Variants in LAMA2 observed in about 807,000 individuals in gnomAD.
The protein encoded by LAMA2 is laminin subunit alpha-2.
In LAMA2, 269 loss-of-function variants were observed where a neutral mutation model predicts 364.8. The ratio of observed to expected loss-of-function variants is 0.74; its 90% CI spans 0.67 to 0.82. The LOEUF (loss-of-function observed/expected upper bound fraction) is 0.82, where lower values mean the gene tolerates loss of function less well. Ranked by LOEUF, LAMA2 falls within the 40% of genes least tolerant of loss-of-function variation. The probability of loss-of-function intolerance (pLI) is 0.00; values close to 1 mark genes in which losing one functional copy is unlikely to be tolerated. For synonymous variants in LAMA2, 1,379 were observed against 1,370.6 expected (o/e 1.01, Z -0.14); for missense variants, 3,807 against 3,873.2 (o/e 0.98, Z 0.45).
chr6:129,409,229 T>C (rs1178352740), intron 40 of LAMA2, among the ~76,000 whole-genome samples: 2 of 152,218 alleles, frequency 1.3e-5, no homozygotes, highest in East Asian at 3.9e-4. Flanking sequence ...TGTCCACTTT[T>C]GGGTGCTACC....
chr6:129,264,578 A>G (rs962844782), intron 15 of LAMA2, among the ~76,000 whole-genome samples: 11 of 152,172 alleles, frequency 7.2e-5, no homozygotes, highest in Non-Finnish European at 2.9e-5. Context: ...AGAAAGTGCA[A>G]TTGATTTAAA....
intron 12 of LAMA2, among the ~76,000 whole-genome samples, chr6:129,228,867 T>G (rs1279467706): frequency 6.6e-6 from 1 of 152,226 alleles, no homozygotes; most frequent in Non-Finnish European, 1.5e-5. Flanking sequence ...GTTTTAGACA[T>G]CCAGGATAGA....
At position 129,125,701 on chromosome 6, in the gene LAMA2, C is replaced by G. The variant is rs112977035; in HGVS notation, c.640-18200C>G. ...AATAAACAGCGTCAGGGCAAGGAGT[C>G]CAGGTCCATAAAGAAAAACTTGCAC... On this transcript the variant is annotated intron_variant, in intron 4 of 64. Transcript: ENST00000421865. Among the ~76,000 whole-genome samples, 299 of 152,120 alleles carry G rather than the reference C, an allele frequency of 2.0e-3. 2 individuals are homozygous for G. Among genetic ancestry groups the G allele is most frequent in the African/African-American group, 6.8e-3 (283 of 41,492 alleles).
chr6:129,498,663 A>G (rs1437984163), intron 58 of LAMA2, among the ~76,000 whole-genome samples: 1 of 152,224 alleles, frequency 6.6e-6, no homozygotes, highest in African/African-American at 2.4e-5. Context: ...GCCCACATTT[A>G]TTAGAGAAAT....
chr6:128,995,556 T>A (rs559435588), intron 1 of LAMA2, among the ~76,000 whole-genome samples: 87 of 152,280 alleles, frequency 5.7e-4, no homozygotes, highest in African/African-American at 2.0e-3. Context: ...ACTCCTGACC[T>A]CAGGTGATCC....
At chr6:129,460,179 T>C in intron 48 of LAMA2, 21 bp from the exon 49 acceptor site, 1 of 1,610,610 alleles carries the variant, frequency 6.2e-7, no homozygotes, top group Non-Finnish European at 8.5e-7. Context: ...TTCTAGCAAA[T>C]AACGGTATTT....
At chr6:128,887,651 C>G (rs1350808351) in intron 1 of LAMA2, among the ~76,000 whole-genome samples, 1 of 151,902 alleles carries the variant, frequency 6.6e-6, no homozygotes, top group Non-Finnish European at 1.5e-5. Context: ...GGTGGATCAC[C>G]TTAGGTCAGG....
At chr6:129,429,252 T>C (rs1478057335) in intron 41 of LAMA2, among the ~76,000 whole-genome samples, 1 of 152,224 alleles carries the variant, frequency 6.6e-6, no homozygotes, top group Non-Finnish European at 1.5e-5. Flanking sequence ...CCATCTTCTT[T>C]TACAATTTTT....
chr6:129,351,764 G>A (rs911053319), intron 31 of LAMA2, among the ~76,000 whole-genome samples: 12 of 152,052 alleles, frequency 7.9e-5, no homozygotes, highest in African/African-American at 2.9e-4. Flanking sequence ...AATCTGCTTA[G>A]AATACAATTA....
At chr6:128,900,337 C>T (rs1255960228) in intron 1 of LAMA2, among the ~76,000 whole-genome samples, 4 of 152,082 alleles carry the variant, frequency 2.6e-5, no homozygotes, top group Non-Finnish European at 5.9e-5. Context: ...CAAGAAAAGA[C>T]CTTTGAGATC....
chr6:129,451,297 G>T (rs1782662568), intron 45 of LAMA2, among the ~76,000 whole-genome samples: 1 of 152,192 alleles, frequency 6.6e-6, no homozygotes, highest in Admixed American at 6.5e-5. Flanking sequence ...CTTCCCAACT[G>T]AAAACCACCC....
chr6:129,182,749 G>A (rs1376682115), intron 10 of LAMA2, among the ~76,000 whole-genome samples: 1 of 151,556 alleles, frequency 6.6e-6, no homozygotes, highest in Non-Finnish European at 1.5e-5. Context: ...TAGAGAAACA[G>A]GAAAGGGAAT....
chr6:129,285,669 T>C (rs897675679), intron 18 of LAMA2, among the ~76,000 whole-genome samples: 6 of 152,126 alleles, frequency 3.9e-5, no homozygotes, highest in African/African-American at 1.4e-4. Flanking sequence ...GATGTGAATA[T>C]ATGTGGATGT....
At chr6:129,209,929 G>A (rs1400563860) in intron 12 of LAMA2, among the ~76,000 whole-genome samples, 2 of 149,844 alleles carry the variant, frequency 1.3e-5, no homozygotes, top group Middle Eastern at 3.5e-3. Context: ...ACGTGAAGCC[G>A]GGAGGTGGAG....
intron 54 of LAMA2, among the ~76,000 whole-genome samples, chr6:129,479,211 A>C (rs1225494418): frequency 6.6e-6 from 1 of 152,148 alleles, no homozygotes; most frequent in Non-Finnish European, 1.5e-5. Context: ...AAGTTTACAC[A>C]AGTAGCAAGT....
chr6:129,392,999 A>C (rs1779401392), intron 36 of LAMA2, 46 bp from the exon 37 acceptor site: 1 of 1,442,738 alleles, frequency 6.9e-7, no homozygotes, highest in Admixed American at 1.7e-5. Context: ...ACCCTAAGGC[A>C]GTGACATGAG....
chr6:129,494,238 T>C (rs1785033920), intron 58 of LAMA2, among the ~76,000 whole-genome samples: 1 of 152,226 alleles, frequency 6.6e-6, no homozygotes, highest in African/African-American at 2.4e-5. Context: ...CTTGAATATC[T>C]CATTCTCTTC....
chr6:128,918,666 C>T (rs1006056412), intron 1 of LAMA2, among the ~76,000 whole-genome samples: 3 of 152,160 alleles, frequency 2.0e-5, no homozygotes, highest in Non-Finnish European at 4.4e-5. Context: ...ATATAATATT[C>T]ACAGCATTGT....
At chr6:129,288,124 T>C (rs2114421353) in intron 19 of LAMA2, 66 bp downstream of exon 19, 1 of 1,344,212 alleles carries the variant, frequency 7.4e-7, no homozygotes, top group Non-Finnish European at 1.1e-6. Flanking sequence ...AGCTGATGAG[T>C]TCTTGAGTGT....
Sources: allele counts gnomAD v4.1 joint callset (sites outside exome capture counted in the v4.1 genomes callset), GRCh38; gene constraint gnomAD v4.1.1; transcripts MANE v1.5; gene names NCBI Gene and HGNC (gene_info 2026-07-23, HGNC 2026-07-21).